The following C1orf141 variants were observed in gnomAD, a reference collection of about 807,000 sequenced individuals.
C1orf141 encodes chromosome 1 open reading frame 141, also known as uncharacterized protein C1orf141.
A neutral mutation model predicts 23.2 loss-of-function variants in C1orf141; 19 were observed. The ratio of observed to expected loss-of-function variants is 0.82; its 90% CI spans 0.57 to 1.20. The LOEUF (loss-of-function observed/expected upper bound fraction) is 1.20. C1orf141 is among the 50% of genes most tolerant of loss of function. The pLI is 0.00. For missense variants in C1orf141, 469 were observed against 455.1 expected (o/e 1.03, Z -0.28); for synonymous variants, 153 against 154.6 (o/e 0.99, Z 0.08).
intron 5 of C1orf141, chr1:67,113,649 G>A: frequency 8.5e-7 from 1 of 1,181,244 alleles, no homozygotes; most frequent in Non-Finnish European, 1.1e-6. Context: ...ACAGCCATGA[G>A]CCACCGTGCC....
chr1:67,136,295 T>A (rs1646584904), upstream of C1orf141, among the ~76,000 whole-genome samples: 1 of 152,150 alleles, frequency 6.6e-6, no homozygotes, highest in South Asian at 2.1e-4. Context: ...CTTGCCTTGT[T>A]CTCCCAAAGT....
intron 1 of C1orf141, among the ~76,000 whole-genome samples, chr1:67,141,583 C>T (rs1252381187): frequency 6.6e-6 from 1 of 152,044 alleles, no homozygotes; most frequent in African/African-American, 2.4e-5. Context: ...CACAGCAAGA[C>T]CCCATCTCTA....
chr1:67,094,770 A>G (rs1256624028), intron 7 of C1orf141: 1 of 152,924 alleles, frequency 6.5e-6, no homozygotes, highest in Non-Finnish European at 1.5e-5. Context: ...GAAAAAGCCA[A>G]AACAGATTGT....
At chr1:67,126,271 C>A (rs775912107) in intron 3 of C1orf141, among the ~76,000 whole-genome samples, 4 of 152,200 alleles carry the variant, frequency 2.6e-5, no homozygotes, top group Admixed American at 2.6e-4. Context: ...GCCTGCTCCT[C>A]TTCCTGTAGC....
intron 5 of C1orf141, among the ~76,000 whole-genome samples, chr1:67,110,030 G>A (rs1219733438): frequency 6.6e-6 from 1 of 151,952 alleles, no homozygotes; most frequent in Admixed American, 6.6e-5. Context: ...TTACTATAAT[G>A]TAAATGAAAT....
intron 6 of C1orf141, 34 bp downstream of exon 6, chr1:67,096,218 A>C: frequency 9.9e-7 from 1 of 1,012,384 alleles, no homozygotes; most frequent in Non-Finnish European, 1.5e-6. Context: ...ATCATTAAAC[A>C]GAACAAAGTA....
chr1:67,110,610 A>G (rs914546492), intron 5 of C1orf141, among the ~76,000 whole-genome samples: 2 of 152,096 alleles, frequency 1.3e-5, no homozygotes, highest in Non-Finnish European at 2.9e-5. Context: ...TTTCTCTACT[A>G]TTTGCATTTA....
chr1:67,100,159 T>C (rs1484176206), intron 5 of C1orf141, among the ~76,000 whole-genome samples: 4 of 152,164 alleles, frequency 2.6e-5, no homozygotes, highest in African/African-American at 9.7e-5. Flanking sequence ...CTCAGATCGT[T>C]TTCCCCTGCC....
At chr1:67,124,011 T>C (rs180836621) in intron 4 of C1orf141, 2 of 152,326 alleles carry the variant, frequency 1.3e-5, no homozygotes, top group African/African-American at 4.8e-5. Flanking sequence ...TTGAATGGGG[T>C]ACAGTAGTGA....
chr1:67,111,435 C>A, intron 5 of C1orf141: 1 of 437,112 alleles, frequency 2.3e-6, no homozygotes, highest in East Asian at 3.6e-5. Context: ...TACATAATAT[C>A]AGAGATGAAA....
intron 5 of C1orf141, among the ~76,000 whole-genome samples, chr1:67,106,644 C>T (rs933749976): frequency 4.6e-5 from 7 of 152,066 alleles, no homozygotes; most frequent in African/African-American, 1.7e-4. Flanking sequence ...GGTGACAGAG[C>T]ACGACTTCAT....
intron 2 of C1orf141, among the ~76,000 whole-genome samples, chr1:67,128,616 G>A (rs897028119): frequency 2.6e-5 from 4 of 151,804 alleles, no homozygotes; most frequent in East Asian, 3.9e-4. Flanking sequence ...AGGAGGGATC[G>A]CTTGAACCCA....
chr1:67,111,783 A>C (rs922843387), intron 5 of C1orf141: 18 of 422,100 alleles, frequency 4.3e-5, no homozygotes, highest in Non-Finnish European at 6.8e-5. Context: ...TTGCTTGTAC[A>C]TGGTTAGAGC....
At chr1:67,138,409 C>T (rs1646604027), upstream of C1orf141, among the ~76,000 whole-genome samples, 1 of 152,224 alleles carries the variant, frequency 6.6e-6, no homozygotes, top group African/African-American at 2.4e-5. Flanking sequence ...GAATTGGACA[C>T]GTTTTACTTC....
intron 4 of C1orf141, 55 bp downstream of exon 4, chr1:67,125,697 C>CACAA (rs770974332): frequency 3.0e-5 from 46 of 1,538,036 alleles, no homozygotes; most frequent in African/African-American, 2.6e-4. Flanking sequence ...GTCCTTGTTT[C>CACAA]ACAAACAAAC....
At chr1:67,121,476 T>C (rs1570720692) in intron 4 of C1orf141, 1 of 152,202 alleles carries the variant, frequency 6.6e-6, no homozygotes, top group South Asian at 2.1e-4. Context: ...TGTGATATAA[T>C]TAAATGTGAA....
At chr1:67,132,155 C>T (rs1042371123) in intron 1 of C1orf141, among the ~76,000 whole-genome samples, 1 of 151,396 alleles carries the variant, frequency 6.6e-6, no homozygotes, top group African/African-American at 2.4e-5. Flanking sequence ...CTCCTGGCCT[C>T]AAGCAATCCT....
At chr1:67,136,706 G>A (rs555252126), upstream of C1orf141, among the ~76,000 whole-genome samples, 5 of 151,932 alleles carry the variant, frequency 3.3e-5, no homozygotes, top group South Asian at 2.1e-4. Context: ...ACCTTAATTC[G>A]TATCTATGGA....
chr1:67,133,653 G>A (rs1464109531), intron 1 of C1orf141, among the ~76,000 whole-genome samples: 2 of 152,120 alleles, frequency 1.3e-5, no homozygotes, highest in Non-Finnish European at 2.9e-5. Context: ...GTTAAAATGG[G>A]GTTGTTAGGG....
Sources: allele counts gnomAD v4.1 joint callset (sites outside exome capture counted in the v4.1 genomes callset), GRCh38; gene constraint gnomAD v4.1.1; transcripts MANE v1.5; gene names NCBI Gene and HGNC (gene_info 2026-07-23, HGNC 2026-07-21).